ZFYVE26: variants seen among roughly 807,000 people sequenced by gnomAD.
ZFYVE26 encodes the protein zinc finger FYVE-type containing 26.
ZFYVE26 carries 181 observed loss-of-function variants against 276.5 expected under a neutral mutation model. The observed-to-expected ratio is 0.65, with a 90% CI of 0.58 to 0.74. The LOEUF (loss-of-function observed/expected upper bound fraction) is 0.74. ZFYVE26 is among the 30% of genes least tolerant of loss of function. ZFYVE26 has a pLI of 0.00. For missense variants in ZFYVE26, 2,821 were observed against 3,097.9 expected, an observed-to-expected ratio of 0.91 and a Z score of 2.12; for synonymous variants, 1,129 against 1,203.1, an observed-to-expected ratio of 0.94 and a Z score of 1.27.
chr14:67,786,805 T>A (rs1203463067), intron 16 of ZFYVE26, among the ~76,000 whole-genome samples: 1 of 152,168 alleles, frequency 6.6e-6, no homozygotes, highest in Non-Finnish European at 1.5e-5. Context: ...CATCAGTGGA[T>A]GAATGGATAA....
chr14:67,751,448 G>GT, intron 40 of ZFYVE26: 3 of 387,734 alleles, frequency 7.7e-6, no homozygotes, highest in Non-Finnish European at 1.5e-5. Context: ...ATGTATCAGC[G>GT]TAATACACTA....
chr14:67,773,193 A>G (rs569680262), intron 27 of ZFYVE26, among the ~76,000 whole-genome samples: 3 of 152,306 alleles, frequency 2.0e-5, no homozygotes, highest in Admixed American at 6.5e-5. Flanking sequence ...TACCTTTCAG[A>G]GATTTATACT....
At position 67,778,267 on chromosome 14, in the gene ZFYVE26, G is replaced by A. The variant is rs2039403283; in HGVS notation, c.4675-19C>T. On this transcript the variant is annotated intron_variant, in intron 23 of 41. Coordinates refer to ENST00000347230, the MANE Select transcript of ZFYVE26 (RefSeq NM_015346.4). ...CATACTCCTGGAAGGAAACACACATGCCTTCAACCCCTTTACATGACTGCC... is the reference window on the plus strand; with the variant it reads ...CATACTCCTGGAAGGAAACACACATACCTTCAACCCCTTTACATGACTGCC... The A allele has an allele frequency of 6.2e-7, 1 of 1,614,014 alleles. No homozygotes were observed. Among genetic ancestry groups the A allele is most frequent in the South Asian group, 1.1e-5 (1 of 91,070 alleles).
Position 67,756,036 on chromosome 14 carries a change from C to A in ZFYVE26, c.6698G>T (p.Ser2233Ile), listed in dbSNP as rs2038770192. 1 of 1,614,250 alleles carries A rather than the reference C, an allele frequency of 6.2e-7. No individual in the cohort carries two copies. Among genetic ancestry groups the A allele is most frequent in the Non-Finnish European group, 8.5e-7 (1 of 1,180,046 alleles). Residue 2233 changes from serine to isoleucine, a missense_variant, in exon 36 of 42, where the codon AGC becomes ATC. Coordinates refer to ENST00000347230, the MANE Select transcript of ZFYVE26 (RefSeq NM_015346.4). ...LLESIDPTLE[S>I]WGKYLIAACQ... is the part of the protein sequence containing the mutation. ...GGCAGCAATCAAGTACTTTCCCCAGCTCTCCAAGGTTGGATCAATGGATTC... is the reference window on the plus strand; with the variant it reads ...GGCAGCAATCAAGTACTTTCCCCAGATCTCCAAGGTTGGATCAATGGATTC...
At chr14:67,786,909 T>G (rs922316306) in intron 16 of ZFYVE26, among the ~76,000 whole-genome samples, 6 of 152,152 alleles carry the variant, frequency 3.9e-5, no homozygotes, top group Non-Finnish European at 8.8e-5. Context: ...GAACTGAAGA[T>G]CATTATGTTA....
chr14:67,784,246 A>G, intron 20 of ZFYVE26, 88 bp downstream of exon 20: 1 of 1,111,418 alleles, frequency 9.0e-7, no homozygotes, highest in East Asian at 2.3e-5. Flanking sequence ...CTCTGTGCTA[A>G]CCCCAAGCAC....
In ZFYVE26 at chr14:67,752,446, C is replaced by T. The variant is rs2038673970; in HGVS notation, c.7269G>A (p.Gln2423=). Residue 2423 remains glutamine, a synonymous_variant, in exon 40 of 42, where the codon CAG becomes CAA. Coordinates refer to ENST00000347230, the MANE Select transcript of ZFYVE26 (RefSeq NM_015346.4). Reference sequence around the variant, plus strand: ...ACTCACTGACACATTTGAGCAGTTGCTGGATCTCACTGTACTTCTCTTTCT... The same window carrying T: ...ACTCACTGACACATTTGAGCAGTTGTTGGATCTCACTGTACTTCTCTTTCT... The part of the protein sequence containing the change: ...LVEKEKYSEI[Q]QLLKCVSESG... The T allele has an allele frequency of 1.2e-6, 2 of 1,613,996 alleles. No individual in the cohort carries two copies. Among genetic ancestry groups the T allele is most frequent in the African/African-American group, 1.3e-5 (1 of 74,934 alleles).
chr14:67,784,951 C>T (rs749117081), intron 19 of ZFYVE26, 108 bp downstream of exon 19: 99 of 1,153,216 alleles, frequency 8.6e-5, no homozygotes, highest in Non-Finnish European at 1.2e-4. Context: ...ATCTAGTGTT[C>T]TTGGCTACTG....
rs1413152173 is a variant in ZFYVE26, at chr14:67,766,215, A to G, written c.6011+12T>C. 1.2e-6 allele frequency: 2 copies of G among 1,612,090 alleles called. No individual in the cohort carries two copies. Among genetic ancestry groups the G allele is most frequent in the Non-Finnish European group, 1.7e-6 (2 of 1,178,394 alleles). On this transcript the variant is annotated intron_variant, in intron 32 of 41. Transcript: ENST00000347230. The stretch of plus-strand genomic sequence containing the variant: ...CTCCTGTGTAAAAGAATAGAGACCC[A>G]CTGCCCTCTACCTGTCACAAAGAGC...
At chr14:67,745,162 G>A (rs1233051108), downstream of ZFYVE26, among the ~76,000 whole-genome samples, 2 of 152,120 alleles carry the variant, frequency 1.3e-5, no homozygotes, top group African/African-American at 2.4e-5. Context: ...CTCTAATAAC[G>A]AGTGATGATG....
chr14:67,806,732 G>A (rs998746257), intron 5 of ZFYVE26, 57 bp from the exon 6 acceptor site: 183 of 1,607,284 alleles, frequency 1.1e-4, no homozygotes, highest in Non-Finnish European at 1.5e-4. Flanking sequence ...TTCTAAGCTA[G>A]AGCCCATTTG....
At chr14:67,762,645 T>C (rs560469700) in intron 33 of ZFYVE26, 27 bp downstream of exon 33, 7 of 1,611,766 alleles carry the variant, frequency 4.3e-6, no homozygotes, top group Non-Finnish European at 5.9e-6. Flanking sequence ...GGGGTGGAAG[T>C]AAGCTTTGTC....
chr14:67,744,434 T>C (rs2038456109), downstream of ZFYVE26, among the ~76,000 whole-genome samples: 2 of 152,192 alleles, frequency 1.3e-5, no homozygotes, highest in Non-Finnish European at 2.9e-5. Context: ...AGTTCTGAGA[T>C]ACATGTGCAG....
intron 13 of ZFYVE26, 101 bp downstream of exon 13, chr14:67,794,070 A>G: frequency 7.5e-7 from 1 of 1,336,676 alleles, no homozygotes; most frequent in Non-Finnish European, 1.1e-6. Context: ...ACCTTGAATA[A>G]CAACCTTGAC....
chr14:67,766,448 C>T lies in ZFYVE26; in HGVS notation c.5791-1G>A. ...CAATGCACAAGGAGGCGCTGGGGGC[C>T]TGGCCGGGGTGGAAGAAGGGAGAAC... On this transcript the variant is annotated splice_acceptor_variant, in intron 31 of 41. Coordinates refer to ENST00000347230, the MANE Select transcript of ZFYVE26 (RefSeq NM_015346.4). LOFTEE classifies it high-confidence loss of function. 6.2e-7 allele frequency: 1 copy of T among 1,612,072 alleles called. No homozygotes were observed.
chr14:67,814,152 T>C (rs2040354481), intron 2 of ZFYVE26, 88 bp from the exon 3 acceptor site: 4 of 1,099,322 alleles, frequency 3.6e-6, no homozygotes, highest in Non-Finnish European at 5.5e-6. Flanking sequence ...CATTGCTTAT[T>C]CTGTTTTAAA....
intron 35 of ZFYVE26, among the ~76,000 whole-genome samples, chr14:67,759,011 G>C (rs1053421771): frequency 6.6e-6 from 1 of 151,478 alleles, no homozygotes. Context: ...AGGCCGAGGC[G>C]GGCAGATCAC....
In ZFYVE26 at chr14:67,807,463, A is replaced by T; in HGVS notation, c.821T>A (p.Leu274Gln). ...LHKASRGLLS[L>Q]YGHTYAEKVT... ...CTTCTCTGCATAGGTATGGCCATAC[A>T]GGGACAGCAGGCCCCGGCTGGCCTT... The change falls in exon 5 of 42, where the codon CTG becomes CAG. Residue 274 changes from leucine to glutamine, a missense_variant. Coordinates refer to ENST00000347230, the MANE Select transcript of ZFYVE26 (RefSeq NM_015346.4). The T allele has an allele frequency of 6.2e-7, 1 of 1,614,164 alleles. No homozygotes were observed. The highest frequency in any genetic ancestry group is 8.5e-7 in the Non-Finnish European group (1 of 1,179,990).
At chr14:67,795,989 A>G (rs1479883399) in intron 12 of ZFYVE26, among the ~76,000 whole-genome samples, 1 of 152,214 alleles carries the variant, frequency 6.6e-6, no homozygotes, top group Admixed American at 6.5e-5. Flanking sequence ...ATATTGGTGA[A>G]GGTTTTAAAA....
Sources: allele counts gnomAD v4.1 joint callset (sites outside exome capture counted in the v4.1 genomes callset), GRCh38; gene constraint gnomAD v4.1.1; transcripts MANE v1.5; gene names NCBI Gene and HGNC (gene_info 2026-07-23, HGNC 2026-07-21).